CBFA2T2: variants seen among roughly 807,000 people sequenced by gnomAD.
CBFA2T2 encodes the protein CBFA2/RUNX1 partner transcriptional co-repressor 2.
Under a neutral mutation model 62.2 loss-of-function variants are expected in CBFA2T2, and 11 were observed. The ratio of observed to expected loss-of-function variants is 0.18; its 90% CI spans 0.11 to 0.29. The LOEUF is 0.29. Ranked by LOEUF, CBFA2T2 falls within the 10% of genes least tolerant of loss-of-function variation. The probability of loss-of-function intolerance (pLI) is 1.00; values close to 1 mark genes in which losing one functional copy is unlikely to be tolerated. For missense variants in CBFA2T2, 592 were observed against 774.1 expected, an observed-to-expected ratio of 0.76 and a Z score of 2.79; for synonymous variants, 295 against 287.5, an observed-to-expected ratio of 1.03 and a Z score of -0.27.
At chr20:33,611,411 T>C in intron 3 of CBFA2T2, 76 bp downstream of exon 3, 3 of 1,549,808 alleles carry the variant, frequency 1.9e-6, no homozygotes, top group South Asian at 2.4e-5. Context: ...GTTCTAGATA[T>C]TTCTGCTCAT....
chr20:33,616,084 GATA>G (rs538305904), intron 3 of CBFA2T2, among the ~76,000 whole-genome samples: 269 of 118,018 alleles, frequency 2.3e-3, no homozygotes, highest in African/African-American at 7.4e-3. Context: ...GATAGAGATA[GATA>G]GATAGATAGA....
intron 1 of CBFA2T2, among the ~76,000 whole-genome samples, chr20:33,553,452 G>A (rs1461807673): frequency 3.3e-5 from 5 of 152,250 alleles, no homozygotes; most frequent in Admixed American, 2.0e-4. Context: ...GGCTGGTCTC[G>A]AACTCCTGAC....
chr20:33,541,869 G>GGTTTTT (rs200248701), intron 1 of CBFA2T2, among the ~76,000 whole-genome samples: 18 of 151,982 alleles, frequency 1.2e-4, no homozygotes, highest in Non-Finnish European at 2.4e-4. Context: ...TAGTGCTACA[G>GGTTTTT]GTTTTTGTTT....
intron 8 of CBFA2T2, among the ~76,000 whole-genome samples, chr20:33,633,183 C>G (rs1036399224): frequency 6.6e-6 from 1 of 151,930 alleles, no homozygotes; most frequent in Non-Finnish European, 1.5e-5. Flanking sequence ...CCAGCCTGGC[C>G]AACATGTCAA....
rs78508146 is a variant in CBFA2T2, at chr20:33,623,892, G to A, written c.692+596G>A. ...ACTCTAGAGAATTTATGGGTCGACT[G>A]TTCCAGAAGCCTCAGGAGTACAGTT... On this transcript the variant is annotated intron_variant, in intron 5 of 10. Transcript: ENST00000342704. 430 of 715,150 alleles carry A rather than the reference G, an allele frequency of 6.0e-4. 3 individuals carry two copies. The African/African-American group carries it at 6.9e-3, about 12-fold the overall frequency. The allele number at this position is 715,150 out of a possible 1,614,324, so 44.3% of individuals were successfully genotyped here.
chr20:33,545,243 GA>G (rs1434911259), intron 1 of CBFA2T2, among the ~76,000 whole-genome samples: 37 of 152,244 alleles, frequency 2.4e-4, no homozygotes, highest in South Asian at 8.3e-4. Flanking sequence ...ACATTAAATA[GA>G]AAAGCTGTGT....
chr20:33,585,446 C>T (rs1213988879), intron 1 of CBFA2T2, among the ~76,000 whole-genome samples: 1 of 152,106 alleles, frequency 6.6e-6, no homozygotes. Flanking sequence ...GTATTATATG[C>T]ATTTCGCCAA....
intron 1 of CBFA2T2, among the ~76,000 whole-genome samples, chr20:33,544,668 T>C (rs2012486948): frequency 6.6e-6 from 1 of 152,072 alleles, no homozygotes; most frequent in Non-Finnish European, 1.5e-5. Context: ...TGCCCCAGCC[T>C]CCTGAGTAGC....
At chr20:33,524,205 A>G (rs1216651493) in intron 1 of CBFA2T2, among the ~76,000 whole-genome samples, 2 of 152,168 alleles carry the variant, frequency 1.3e-5, no homozygotes, top group South Asian at 2.1e-4. Context: ...TTTAACTGGG[A>G]ATGTTTCATA....
At chr20:33,527,126 T>A (rs905187280) in intron 1 of CBFA2T2, among the ~76,000 whole-genome samples, 1 of 152,214 alleles carries the variant, frequency 6.6e-6, no homozygotes, top group Admixed American at 6.5e-5. Context: ...GAAGCCTTTT[T>A]AAAAAGTATT....
At chr20:33,511,475 G>T (rs1290285755) in intron 1 of CBFA2T2, among the ~76,000 whole-genome samples, 1 of 152,064 alleles carries the variant, frequency 6.6e-6, no homozygotes, top group Non-Finnish European at 1.5e-5. Flanking sequence ...TGAGGCCTCT[G>T]TTCTGTTCCA....
At chr20:33,571,822 A>G (rs1190379141) in intron 1 of CBFA2T2, among the ~76,000 whole-genome samples, 1 of 152,168 alleles carries the variant, frequency 6.6e-6, no homozygotes, top group African/African-American at 2.4e-5. Flanking sequence ...TTAGAGTGTA[A>G]AGGTTGACAG....
intron 1 of CBFA2T2, among the ~76,000 whole-genome samples, chr20:33,552,829 CT>C (rs2012774589): frequency 6.6e-6 from 1 of 152,130 alleles, no homozygotes; most frequent in South Asian, 2.1e-4. Flanking sequence ...CTAGTCATAC[CT>C]TTTACCATCT....
chr20:33,595,533 T>G (rs941921144), intron 1 of CBFA2T2, among the ~76,000 whole-genome samples: 10 of 151,640 alleles, frequency 6.6e-5, no homozygotes, highest in African/African-American at 2.2e-4. Flanking sequence ...CGGTACTTGT[T>G]TTTTAATTTT....
chr20:33,511,702 C>A, intron 1 of CBFA2T2, among the ~76,000 whole-genome samples: 1 of 152,130 alleles, frequency 6.6e-6, no homozygotes, highest in African/African-American at 2.4e-5. Context: ...AGTGATCATA[C>A]CTGTGTAGCT....
At chr20:33,643,761 A>AC (rs1470974261) in intron 10 of CBFA2T2, among the ~76,000 whole-genome samples, 4 of 1,208 alleles carry the variant, frequency 3.3e-3, no homozygotes. Context: ...TACTATATAT[A>AC]TATATATATA....
chr20:33,505,137 C>G (rs1357278609), intron 1 of CBFA2T2, among the ~76,000 whole-genome samples: 1 of 152,140 alleles, frequency 6.6e-6, no homozygotes, highest in Non-Finnish European at 1.5e-5. Context: ...TACTCACTGT[C>G]ACACGGCTAG....
intron 1 of CBFA2T2, among the ~76,000 whole-genome samples, chr20:33,493,947 G>C (rs188263840): frequency 6.6e-6 from 1 of 151,340 alleles, no homozygotes; most frequent in Admixed American, 6.6e-5. Context: ...GCAGTGGTGC[G>C]ATCTCGGCTC....
At chr20:33,523,999 T>G (rs1422394314) in intron 1 of CBFA2T2, among the ~76,000 whole-genome samples, 2 of 152,090 alleles carry the variant, frequency 1.3e-5, no homozygotes, top group East Asian at 3.8e-4. Context: ...GTTGTGCTTT[T>G]TTTTTAGTTT....
Sources: allele counts gnomAD v4.1 joint callset (sites outside exome capture counted in the v4.1 genomes callset), GRCh38; gene constraint gnomAD v4.1.1; transcripts MANE v1.5; gene names NCBI Gene and HGNC (gene_info 2026-07-23, HGNC 2026-07-21).